HMGCLL1: variants seen among roughly 807,000 people sequenced by gnomAD.
The protein encoded by HMGCLL1 is 3-hydroxymethyl-3-methylglutaryl-CoA lyase, cytoplasmic.
Under a neutral mutation model 39.1 loss-of-function variants are expected in HMGCLL1, and 36 were observed. The ratio of observed to expected loss-of-function variants is 0.92; its 90% CI spans 0.71 to 1.22. The LOEUF (loss-of-function observed/expected upper bound fraction) is 1.22. Ranked by LOEUF, HMGCLL1 falls within the 50% of genes most tolerant of loss-of-function variation. The pLI is 0.00. For missense variants in HMGCLL1, 451 were observed against 416.5 expected, an observed-to-expected ratio of 1.08 and a Z score of -0.72; for synonymous variants, 149 against 144.0, an observed-to-expected ratio of 1.03 and a Z score of -0.25.
intron 1 of HMGCLL1, among the ~76,000 whole-genome samples, chr6:55,542,824 T>C (rs1769535513): frequency 7.1e-6 from 1 of 140,434 alleles, no homozygotes; most frequent in Non-Finnish European, 1.5e-5. Flanking sequence ...TACATATATA[T>C]GTAATATATA....
chr6:55,513,890 T>G (rs1767594824), intron 5 of HMGCLL1, 158 bp downstream of exon 5: 36 of 606,916 alleles, frequency 5.9e-5, no homozygotes, highest in Non-Finnish European at 7.7e-5. Flanking sequence ...GTGATGTTAA[T>G]GAGATGTAAC....
chr6:55,554,269 A>G (rs1324339138), intron 1 of HMGCLL1, among the ~76,000 whole-genome samples: 5 of 152,160 alleles, frequency 3.3e-5, no homozygotes, highest in African/African-American at 1.2e-4. Flanking sequence ...TCTTCTTCAC[A>G]AGCTAGGCTT....
chr6:55,671,658 G>A, the HMGCLL1 span, among the ~76,000 whole-genome samples: 2 of 151,754 alleles, frequency 1.3e-5, no homozygotes, highest in African/African-American at 4.8e-5. Flanking sequence ...TTGATCCATT[G>A]AGAAAGAACT....
upstream of HMGCLL1, among the ~76,000 whole-genome samples, chr6:55,583,200 T>A (rs960817114): frequency 6.6e-6 from 1 of 151,846 alleles, no homozygotes; most frequent in African/African-American, 2.4e-5. Context: ...TTTCTTTTTT[T>A]TATTATTATT....
At chr6:55,437,649 G>A (rs1561880222) in intron 8 of HMGCLL1, among the ~76,000 whole-genome samples, 1 of 152,042 alleles carries the variant, frequency 6.6e-6, no homozygotes, top group Non-Finnish European at 1.5e-5. Flanking sequence ...ATGTGATAGA[G>A]CACAGGCTTC....
intron 5 of HMGCLL1, among the ~76,000 whole-genome samples, chr6:55,505,461 C>T (rs1439591187): frequency 6.6e-6 from 1 of 151,602 alleles, no homozygotes; most frequent in Admixed American, 6.6e-5. Flanking sequence ...CACAAAATAA[C>T]ATGCCATTAT....
At chr6:55,475,032 C>T (rs953262287) in intron 7 of HMGCLL1, among the ~76,000 whole-genome samples, 1 of 151,428 alleles carries the variant, frequency 6.6e-6, no homozygotes, top group African/African-American at 2.4e-5. Context: ...AAATTTCAGA[C>T]TTGTAGTGGG....
chr6:55,650,866 C>A, the HMGCLL1 span, among the ~76,000 whole-genome samples: 1 of 151,992 alleles, frequency 6.6e-6, no homozygotes, highest in South Asian at 2.1e-4. Context: ...CGAATTTTTA[C>A]TTAAAGCCCA....
intron 3 of HMGCLL1, among the ~76,000 whole-genome samples, chr6:55,524,749 G>A (rs1768224773): frequency 6.6e-6 from 1 of 151,838 alleles, no homozygotes; most frequent in African/African-American, 2.4e-5. Context: ...AAAAGAACCT[G>A]AGGCATATCT....
chr6:55,450,547 A>G (rs1764036257), intron 7 of HMGCLL1, among the ~76,000 whole-genome samples: 1 of 152,186 alleles, frequency 6.6e-6, no homozygotes, highest in Non-Finnish European at 1.5e-5. Context: ...CACATAGCAA[A>G]ATGCTGGATT....
At chr6:55,443,503 T>C (rs1763692275) in intron 7 of HMGCLL1, among the ~76,000 whole-genome samples, 1 of 152,120 alleles carries the variant, frequency 6.6e-6, no homozygotes, top group Non-Finnish European at 1.5e-5. Flanking sequence ...ATTGGCCTTT[T>C]GGGAAAGAGT....
At chr6:55,674,282 G>T in the HMGCLL1 span, among the ~76,000 whole-genome samples, 2 of 151,592 alleles carry the variant, frequency 1.3e-5, no homozygotes, top group South Asian at 4.2e-4. Context: ...ATTTACAAAA[G>T]AGATACCTAA....
At chr6:55,554,445 C>T (rs983518005) in intron 1 of HMGCLL1, among the ~76,000 whole-genome samples, 8 of 152,010 alleles carry the variant, frequency 5.3e-5, no homozygotes, top group African/African-American at 1.9e-4. Flanking sequence ...AATTGACCTA[C>T]ACCCTCAAGC....
At chr6:55,668,244 G>C in the HMGCLL1 span, among the ~76,000 whole-genome samples, 1 of 151,878 alleles carries the variant, frequency 6.6e-6, no homozygotes, top group Non-Finnish European at 1.5e-5. Context: ...TGCCAACTTT[G>C]TTCTTGTAGC....
chr6:55,435,982 ACC>A (rs1581777016), intron 8 of HMGCLL1, among the ~76,000 whole-genome samples: 2 of 152,134 alleles, frequency 1.3e-5, no homozygotes, highest in East Asian at 3.9e-4. Flanking sequence ...CTTTAATCTG[ACC>A]CTTGTATAAT....
At chr6:55,595,659 T>G in the HMGCLL1 span, among the ~76,000 whole-genome samples, 1 of 152,122 alleles carries the variant, frequency 6.6e-6, no homozygotes, top group African/African-American at 2.4e-5. Context: ...AGCACAGCAG[T>G]GTAGTAAAAG....
At chr6:55,550,028 T>A (rs1365578224) in intron 1 of HMGCLL1, among the ~76,000 whole-genome samples, 1 of 151,988 alleles carries the variant, frequency 6.6e-6, no homozygotes, top group Non-Finnish European at 1.5e-5. Flanking sequence ...TTTGCGTGAC[T>A]ACAGACACAC....
At chr6:55,645,509 C>T in the HMGCLL1 span, among the ~76,000 whole-genome samples, 1 of 151,928 alleles carries the variant, frequency 6.6e-6, no homozygotes, top group Non-Finnish European at 1.5e-5. Context: ...AGTTTTTTCT[C>T]ATTCAGTATA....
At chr6:55,646,588 G>C in the HMGCLL1 span, among the ~76,000 whole-genome samples, 1 of 151,724 alleles carries the variant, frequency 6.6e-6, no homozygotes, top group Admixed American at 6.6e-5. Flanking sequence ...TAGGCATTTT[G>C]TGTTTCCATC....
Sources: gnomAD v4.1 joint callset for allele counts (sites outside exome capture counted in the v4.1 genomes callset) on GRCh38, gnomAD v4.1.1 for gene constraint, MANE v1.5 for transcripts, NCBI Gene and HGNC (gene_info 2026-07-23, HGNC 2026-07-21) for gene names.